Variants in PHKA2 observed in about 807,000 individuals in gnomAD.
PHKA2 encodes phosphorylase kinase regulatory subunit alpha 2.
In PHKA2, 31 loss-of-function variants were observed where a neutral mutation model predicts 102.0. The observed-to-expected ratio is 0.30, with a 90% CI of 0.23 to 0.41. The LOEUF (loss-of-function observed/expected upper bound fraction) is 0.41, where lower values mean the gene tolerates loss of function less well. Ranked by LOEUF, PHKA2 falls within the 10% of genes least tolerant of loss-of-function variation. The pLI, the probability that PHKA2 is intolerant of heterozygous loss-of-function variation, is 1.00. For missense variants in PHKA2, 858 were observed against 1,023.1 expected, an observed-to-expected ratio of 0.84 and a Z score of 2.20; for synonymous variants, 455 against 416.2, an observed-to-expected ratio of 1.09 and a Z score of -1.13.
At chrX:18,954,785 C>T (rs926412462) in intron 1 of PHKA2, among the ~76,000 whole-genome samples, 5 of 112,617 alleles carry the variant, frequency 4.4e-5, no homozygotes, top group Admixed American at 9.4e-5. Context: ...CTTCTTCAGT[C>T]TTCATGTGTC....
rs1454509399 is a variant in PHKA2 at position 18,899,237 on chromosome X, A to G, written c.3058-11T>C. On this transcript the variant is annotated splice_polypyrimidine_tract_variant and intron_variant, in intron 28 of 32. Transcript: ENST00000379942. ...GCCCACAGAAAAGAACTACAAAACA[A>G]AAAGAATCCACTCAGTTGACAGCAA... 1 of 1,196,387 alleles carries G rather than the reference A, an allele frequency of 8.4e-7. No individual in the cohort carries two copies. The highest frequency in any genetic ancestry group is 1.8e-5 in the African/African-American group (1 of 56,958).
At chrX:18,937,373 T>C (rs2048410200) in intron 10 of PHKA2, among the ~76,000 whole-genome samples, 1 of 111,267 alleles carries the variant, frequency 9.0e-6, no homozygotes, top group Non-Finnish European at 1.9e-5. Context: ...GCACATACTA[T>C]GCACTAGGCA....
chrX:18,894,670 T>G, intron 31 of PHKA2: 1 of 426,767 alleles, frequency 2.3e-6, no homozygotes, highest in African/African-American at 2.4e-5. Context: ...GCAGGGACCA[T>G]TTCTGGTTTC....
intron 4 of PHKA2, 29 bp downstream of exon 4, chrX:18,951,075 T>C: frequency 8.3e-7 from 1 of 1,205,002 alleles, no homozygotes; most frequent in Non-Finnish European, 1.1e-6. Flanking sequence ...TCACTCCTTA[T>C]ACAATGGGCT....
intron 10 of PHKA2, among the ~76,000 whole-genome samples, chrX:18,937,801 C>T (rs2048417964): frequency 8.9e-6 from 1 of 111,956 alleles, no homozygotes; most frequent in South Asian, 3.7e-4. Context: ...AGTAGCATAA[C>T]CTAATTTGCC....
chrX:18,973,430 T>C (rs963472076), intron 1 of PHKA2, among the ~76,000 whole-genome samples: 17 of 112,433 alleles, frequency 1.5e-4, no homozygotes, highest in East Asian at 5.5e-4. Flanking sequence ...ATAGATTTTA[T>C]AGTAAATTTC....
chrX:18,979,136 AAAACAAAC>A (rs748715889), intron 1 of PHKA2, among the ~76,000 whole-genome samples: 1 of 111,849 alleles, frequency 8.9e-6, no homozygotes, highest in South Asian at 3.7e-4. Context: ...ACTGTCTCAA[AAAACAAAC>A]AAACAAACAA....
In PHKA2 at chrX:18,924,080, T is replaced by C. The variant is rs374430401; in HGVS notation, c.1769A>G (p.Glu590Gly). The part of the protein sequence containing the change: ...SAVLSTIRKL[E>G]DGYFGGARVK... Reference sequence around the variant, plus strand: ...CCTGGCTCCTCCAAAATATCCATCCTCTAGTTTTCTAATTGTGGAGAGCAC... The same window carrying C: ...CCTGGCTCCTCCAAAATATCCATCCCCTAGTTTTCTAATTGTGGAGAGCAC... Residue 590 changes from glutamate to glycine, a missense_variant, in exon 17 of 33, where the codon GAG (glutamate) becomes GGG (glycine). This residue lies in a region of PHKA2 where 671 missense variants were observed against 745.2 expected (regional missense o/e 0.90). Transcript: ENST00000379942. 21 of 1,202,075 alleles carry C rather than the reference T, an allele frequency of 1.7e-5. No individual in the cohort carries two copies. In the African/African-American group the frequency reaches 3.7e-4, roughly 21 times the overall value.
Position 18,906,740 on chromosome X carries a change from G to A in PHKA2, c.2672C>T (p.Thr891Met), listed in dbSNP as rs1403524475. 1.7e-6 allele frequency: 2 copies of A among 1,208,552 alleles called. No individual in the cohort carries two copies. Among genetic ancestry groups the A allele is most frequent in the African/African-American group, 3.5e-5 (2 of 57,340 alleles). Reference sequence around the variant, plus strand: ...CCTCCCACACCAGCCCCAGACCTGCGTGAGGACGGCAATGCTGATGTCCTG... The same window carrying A: ...CCTCCCACACCAGCCCCAGACCTGCATGAGGACGGCAATGCTGATGTCCTG... ...SGQDISIAVL[T>M]QEIVVYLAMY... Residue 891 changes from threonine (T) to methionine (M), a missense_variant, in exon 24 of 33, where the codon ACG becomes ATG. Around this residue, in one of 2 missense-constraint regions of PHKA2, gnomAD observed 671 missense variants for 745.2 expected, o/e 0.90. Coordinates refer to ENST00000379942, the MANE Select transcript of PHKA2 (RefSeq NM_000292.3).
intron 3 of PHKA2, 124 bp downstream of exon 3, chrX:18,952,370 A>T (rs2048711157): frequency 3.3e-6 from 2 of 612,273 alleles, no homozygotes; most frequent in Middle Eastern, 6.1e-4. Context: ...GAAAGTAAGC[A>T]AAATATTTTC....
At chrX:18,938,983 A>G (rs2048443076) in intron 9 of PHKA2, among the ~76,000 whole-genome samples, 1 of 112,009 alleles carries the variant, frequency 8.9e-6, no homozygotes, top group South Asian at 3.7e-4. Context: ...AAAGCTTCCT[A>G]TAACTCTAAC....
intron 12 of PHKA2, among the ~76,000 whole-genome samples, chrX:18,930,497 G>C (rs748318271): frequency 9.0e-6 from 1 of 110,881 alleles, no homozygotes; most frequent in African/African-American, 3.3e-5. Context: ...GGAGAAAGCA[G>C]GGGAGGGGAG....
chrX:18,947,412 T>C lies in PHKA2; in HGVS notation c.537+1332A>G, dbSNP rs149847069. 5.8e-3 allele frequency among the ~76,000 whole-genome samples: 651 copies of C among 112,054 alleles called. 4 individuals carry two copies. Among genetic ancestry groups the C allele is most frequent in the African/African-American group, 0.02 (618 of 30,822 alleles). ...ACAGAAGCTCGGAGGAAAGGGGGTT[T>C]ATACACATTTATACTCAGCAAATCT... On this transcript the variant is annotated intron_variant, in intron 5 of 32. Coordinates refer to ENST00000379942, the MANE Select transcript of PHKA2 (RefSeq NM_000292.3).
At chrX:18,968,743 A>G (rs1011667334) in intron 1 of PHKA2, among the ~76,000 whole-genome samples, 1 of 112,445 alleles carries the variant, frequency 8.9e-6, no homozygotes, top group East Asian at 2.8e-4. Context: ...TCATCAGAAA[A>G]GTTTTTTAAG....
intron 29 of PHKA2, chrX:18,897,595 G>A (rs945634802): frequency 2.5e-5 from 10 of 393,005 alleles, no homozygotes; most frequent in Non-Finnish European, 4.5e-5. Flanking sequence ...GAACCCATAA[G>A]GAGGAGGCCG....
At chrX:18,956,744 G>C (rs912974035) in intron 1 of PHKA2, among the ~76,000 whole-genome samples, 1 of 112,252 alleles carries the variant, frequency 8.9e-6, no homozygotes, top group African/African-American at 3.2e-5. Context: ...CTCAGCAATA[G>C]GAATATTTAC....
At position 18,918,860 on chromosome X, in the gene PHKA2, A is replaced by AT. The variant is rs1569305467; in HGVS notation, c.1964-7dup. 2 of 1,208,502 alleles carry AT rather than the reference A, an allele frequency of 1.7e-6. No homozygotes were observed. The highest frequency in any genetic ancestry group is 4.4e-5 in the Admixed American group (2 of 45,952). Reference sequence around the variant, plus strand: ...GTCAAGTTCGTCTTGGCTTTCTGTAATTGGACAAGCAAGAAAAAGAGCCAA... The same window carrying AT: ...GTCAAGTTCGTCTTGGCTTTCTGTAATTTGGACAAGCAAGAAAAAGAGCCAA... On this transcript the variant is annotated splice_polypyrimidine_tract_variant and splice_region_variant and intron_variant, in intron 18 of 32. Coordinates refer to ENST00000379942, the MANE Select transcript of PHKA2 (RefSeq NM_000292.3).
intron 1 of PHKA2, among the ~76,000 whole-genome samples, chrX:18,977,847 A>G (rs1176666743): frequency 8.9e-6 from 1 of 112,023 alleles, no homozygotes; most frequent in Non-Finnish European, 1.9e-5. Context: ...CACACCTTTT[A>G]AAAAGTTTTA....
intron 13 of PHKA2, among the ~76,000 whole-genome samples, chrX:18,927,823 A>G (rs183975078): frequency 2.1e-4 from 23 of 111,003 alleles, no homozygotes; most frequent in Middle Eastern, 4.6e-3. Context: ...AAAGCTTCCA[A>G]TGACAGGCAT....
Sources: gnomAD v4.1 joint callset for allele counts (sites outside exome capture counted in the v4.1 genomes callset) on GRCh38, gnomAD v4.1.1 for gene constraint, gnomAD v4.1.1 regional missense constraint, MANE v1.5 for transcripts, NCBI Gene and HGNC (gene_info 2026-07-23, HGNC 2026-07-21) for gene names.